Variants in PCDHGB3 observed in about 807,000 individuals in gnomAD.
PCDHGB3 encodes the protein protocadherin gamma subfamily B, 3, also known as protocadherin gamma-B3.
In PCDHGB3, 40 loss-of-function variants were observed where a neutral mutation model predicts 59.2. That is an observed-to-expected ratio of 0.68 (90% CI 0.52 to 0.88). The LOEUF (loss-of-function observed/expected upper bound fraction) is 0.88, where lower values mean the gene tolerates loss of function less well. Among genes scored for constraint, PCDHGB3 ranks in the 40% least tolerant of loss-of-function variants. The pLI, the probability that PCDHGB3 is intolerant of heterozygous loss-of-function variation, is 0.00. For missense variants in PCDHGB3, 1,309 were observed against 1,187.9 expected (o/e 1.10, Z -1.50); for synonymous variants, 581 against 503.6 (o/e 1.15, Z -2.06).
At chr5:141,414,290 T>C (rs781378958) in intron 1 of PCDHGB3, 1 of 1,613,272 alleles carries the variant, frequency 6.2e-7, no homozygotes, top group Admixed American at 1.7e-5. Context: ...GTCGTAGCCC[T>C]TTTAAATGTG....
At chr5:141,466,457 A>G (rs969935541) in intron 1 of PCDHGB3, among the ~76,000 whole-genome samples, 12 of 152,146 alleles carry the variant, frequency 7.9e-5, no homozygotes, top group Admixed American at 6.6e-4. Context: ...GGTGTTGGCT[A>G]TTGTTTCTGC....
At position 141,432,117 on chromosome 5, in the gene PCDHGB3, C is replaced by G. The variant is rs761106133; in HGVS notation, c.2415+59308C>G. The G allele has an allele frequency of 6.2e-7, 1 of 1,614,062 alleles. No homozygotes were observed. The highest frequency in any genetic ancestry group is 8.5e-7 in the Non-Finnish European group (1 of 1,180,048). ...ACCAACGACAACCCGCCGGTCTTCC[C>G]TCAGGCCTCCTATTCCGCTTATATC... is the stretch of plus-strand genomic sequence containing the variant. On this transcript the variant is annotated intron_variant, in intron 1 of 3. Transcript: ENST00000576222. The surrounding 1 kb of genome is among the most constrained non-coding windows in gnomAD (Gnocchi z 6.0).
chr5:141,403,952 C>T, intron 1 of PCDHGB3: 1 of 1,613,684 alleles, frequency 6.2e-7, no homozygotes, highest in Non-Finnish European at 8.5e-7. Flanking sequence ...GACAAAAGTG[C>T]TCATTTCGGT....
At position 141,371,577 on chromosome 5, in the gene PCDHGB3, G is replaced by C. The variant is rs202142331; in HGVS notation, c.1183G>C (p.Val395Leu). The change falls in exon 1 of 4, where the codon GTT (valine) becomes CTT (leucine). Residue 395 changes from valine to leucine, a missense_variant. By Grantham distance (32) the Val-to-Leu change is conservative. Coordinates refer to ENST00000576222, the MANE Select transcript of PCDHGB3 (RefSeq NM_018924.5). ...QLKGNFPFKI[V>L]QDTKNTYRLV... ...AAAAGGAAACTTCCCCTTTAAAATC[G>C]TTCAAGATACCAAAAACACATACAG... 2 of 1,613,866 alleles carry C rather than the reference G, an allele frequency of 1.2e-6. No individual in the cohort carries two copies. Among genetic ancestry groups the C allele is most frequent in the Admixed American group, 3.3e-5 (2 of 60,006 alleles).
chr5:141,400,150 C>T (rs1375670164), intron 1 of PCDHGB3: 3 of 1,613,952 alleles, frequency 1.9e-6, no homozygotes, highest in Non-Finnish European at 2.5e-6. Flanking sequence ...CACTGACCGC[C>T]CTGTACCCTC....
At chr5:141,505,106 G>A (rs934779049) in intron 2 of PCDHGB3, among the ~76,000 whole-genome samples, 1 of 152,188 alleles carries the variant, frequency 6.6e-6, no homozygotes, top group Non-Finnish European at 1.5e-5. Context: ...ATGTTGCAAT[G>A]AGCCAAGATC....
chr5:141,400,593 T>C (rs768255831), intron 1 of PCDHGB3: 1 of 1,602,992 alleles, frequency 6.2e-7, no homozygotes, highest in Admixed American at 1.7e-5. Flanking sequence ...GAAACTATCG[T>C]ACATTTTCAA....
At chr5:141,482,530 CAAA>C (rs3074545) in intron 1 of PCDHGB3, among the ~76,000 whole-genome samples, 29 of 76,552 alleles carry the variant, frequency 3.8e-4, no homozygotes, top group African/African-American at 9.1e-4. Context: ...GACAGACATG[CAAA>C]AAAAAAAAAA....
rs199936765 is a variant in PCDHGB3 at position 141,408,488 on chromosome 5, T to G, written c.2415+35679T>G. Reference sequence around the variant, plus strand: ...GAACCGAATAGACCGTGAGCAAATATGCAAAGAGAGAAGAAGATGTGAGTT... The same window carrying G: ...GAACCGAATAGACCGTGAGCAAATAGGCAAAGAGAGAAGAAGATGTGAGTT... On this transcript the variant is annotated intron_variant, in intron 1 of 3. Transcript: ENST00000576222. 8.1e-5 allele frequency: 130 copies of G among 1,614,012 alleles called. No individual in the cohort carries two copies. The Middle Eastern group carries it at 1.8e-3, about 23-fold the overall frequency.
intron 1 of PCDHGB3, chr5:141,378,812 C>A (rs1775174310): frequency 6.6e-6 from 1 of 152,148 alleles, no homozygotes; most frequent in Admixed American, 6.5e-5. Flanking sequence ...CAAACAGAAT[C>A]ATTGTTTCAT....
At chr5:141,383,533 C>T (rs2240698) in intron 1 of PCDHGB3, 21,821 of 1,612,448 alleles carry the variant, frequency 0.014, 752 homozygotes, top group East Asian at 0.14. Flanking sequence ...CCACCTGGTC[C>T]TCACAGCCTC....
chr5:141,390,764 G>T, intron 1 of PCDHGB3: 2 of 165,996 alleles, frequency 1.2e-5, no homozygotes, highest in Non-Finnish European at 2.6e-5. Flanking sequence ...TTTGTTTCCT[G>T]TGTTAACTTC....
chr5:141,478,376 C>T, intron 1 of PCDHGB3: 4 of 1,613,672 alleles, frequency 2.5e-6, no homozygotes, highest in Non-Finnish European at 3.4e-6. Flanking sequence ...CCTGATGTCG[C>T]CGCACCTTTA....
rs140199351 is a variant in PCDHGB3, at chr5:141,465,921, G to C, written c.2416-28886G>C. Among the ~76,000 whole-genome samples, 1,515 of 152,146 alleles carry C rather than the reference G, an allele frequency of 1.0e-2. 24 individuals carry two copies. The highest frequency in any genetic ancestry group is 0.034 in the African/African-American group (1,400 of 41,520). On this transcript the variant is annotated intron_variant, in intron 1 of 3. Transcript: ENST00000576222. ...GCAAATCACGAGGTCAGGATTTCGA[G>C]TCCATCCTGGCTAACATGGTGAAAC...
chr5:141,414,686 C>G, intron 1 of PCDHGB3: 4 of 1,614,042 alleles, frequency 2.5e-6, no homozygotes, highest in Non-Finnish European at 3.4e-6. Flanking sequence ...CAGGGGGTAC[C>G]TCTGTCCTCA....
chr5:141,394,505 C>A (rs1366555133), intron 1 of PCDHGB3: 4 of 1,614,218 alleles, frequency 2.5e-6, no homozygotes, highest in Non-Finnish European at 3.4e-6. Context: ...AGATCCTGTA[C>A]CCCGCCCTCC....
intron 2 of PCDHGB3, among the ~76,000 whole-genome samples, chr5:141,495,507 C>T (rs1380258502): frequency 6.6e-6 from 1 of 152,188 alleles, no homozygotes; most frequent in African/African-American, 2.4e-5. Context: ...TCCGTCTTTG[C>T]CACTTTCTCT....
intron 1 of PCDHGB3, among the ~76,000 whole-genome samples, chr5:141,382,008 T>C (rs2150196645): frequency 6.6e-6 from 1 of 151,992 alleles, no homozygotes; most frequent in Middle Eastern, 3.4e-3. Context: ...TTTGTATTTT[T>C]AGTAGAGACG....
At chr5:141,375,396 T>C (rs962120197) in intron 1 of PCDHGB3, 56 of 1,613,744 alleles carry the variant, frequency 3.5e-5, no homozygotes, top group Non-Finnish European at 4.6e-5. Context: ...GAAACAATCA[T>C]CTCTCTAAAT....
Sources: gnomAD v4.1 joint callset for allele counts (sites outside exome capture counted in the v4.1 genomes callset) on GRCh38, gnomAD v4.1.1 for gene constraint, Gnocchi (gnomAD v3.1) non-coding constraint, MANE v1.5 for transcripts, NCBI Gene and HGNC (gene_info 2026-07-23, HGNC 2026-07-21) for gene names.